The following TENM1 variants were observed in gnomAD, a reference collection of about 807,000 sequenced individuals.
TENM1 encodes the protein teneurin-1.
In TENM1, 35 loss-of-function variants were observed where a neutral mutation model predicts 174.8. The observed-to-expected ratio is 0.20, with a 90% confidence interval of 0.15 to 0.27. The LOEUF is 0.27. TENM1 is among the 10% of genes least tolerant of loss of function. TENM1 has a pLI of 1.00. For missense variants in TENM1, 1,633 were observed against 2,130.1 expected (o/e 0.77, Z 4.59); for synonymous variants, 781 against 798.7 (o/e 0.98, Z 0.37).
chrX:124,445,486 A>T (rs1303034056), intron 23 of TENM1, among the ~76,000 whole-genome samples: 1 of 111,997 alleles, frequency 8.9e-6, no homozygotes, highest in African/African-American at 3.2e-5. Context: ...TCCTCCAAAG[A>T]ATGTTACCTT....
the TENM1 span, among the ~76,000 whole-genome samples, chrX:125,033,327 C>G: frequency 9.0e-6 from 1 of 111,440 alleles, no homozygotes; most frequent in East Asian, 2.8e-4. Flanking sequence ...CTCATGGTGT[C>G]TTGTACTAGG....
At chrX:124,860,153 G>A (rs965953153) in intron 3 of TENM1, among the ~76,000 whole-genome samples, 1 of 111,725 alleles carries the variant, frequency 9.0e-6, no homozygotes, top group Non-Finnish European at 1.9e-5. Context: ...TTTTCTAAAA[G>A]ACTCCTCTAC....
chrX:124,717,482 A>T (rs1390425607), intron 4 of TENM1, among the ~76,000 whole-genome samples: 1 of 111,894 alleles, frequency 8.9e-6, no homozygotes, highest in African/African-American at 3.3e-5. Context: ...ACAACATTAT[A>T]GGGGAACAGA....
intron 3 of TENM1, among the ~76,000 whole-genome samples, chrX:124,802,745 C>T (rs1025613728): frequency 8.9e-6 from 1 of 111,790 alleles, no homozygotes; most frequent in Non-Finnish European, 1.9e-5. Flanking sequence ...GCCATCTTGG[C>T]CCCACCCCCC....
intron 8 of TENM1, 22 bp from the exon 12 acceptor site, chrX:124,646,832 T>C: frequency 2.8e-6 from 3 of 1,074,757 alleles, no homozygotes; most frequent in Non-Finnish European, 3.9e-6. Context: ...GAGAAAAAGA[T>C]AAAAAAAATG....
chrX:124,443,461 C>T (rs1296874830), intron 23 of TENM1, among the ~76,000 whole-genome samples: 1 of 111,709 alleles, frequency 9.0e-6, no homozygotes, highest in Non-Finnish European at 1.9e-5. Context: ...AATTCTTTAA[C>T]TGAGTTCAAG....
the TENM1 span, among the ~76,000 whole-genome samples, chrX:125,127,854 C>T: frequency 9.0e-6 from 1 of 110,970 alleles, no homozygotes; most frequent in African/African-American, 3.3e-5. Context: ...TCTAAGATGA[C>T]TTTATATGGT....
intron 17 of TENM1, among the ~76,000 whole-genome samples, chrX:124,522,069 C>T (rs979442829): frequency 4.5e-5 from 5 of 111,759 alleles, no homozygotes; most frequent in African/African-American, 6.5e-5. Context: ...AAAGAAGACC[C>T]GTACTTCCTA....
At chrX:124,687,152 A>T (rs1230607939) in intron 5 of TENM1, among the ~76,000 whole-genome samples, 1 of 111,688 alleles carries the variant, frequency 9.0e-6, no homozygotes, top group East Asian at 2.8e-4. Context: ...CGACAATCCT[A>T]AGCAAAAAGA....
intron 3 of TENM1, among the ~76,000 whole-genome samples, chrX:124,812,118 G>C (rs764389996): frequency 9.0e-6 from 1 of 111,048 alleles, no homozygotes; most frequent in East Asian, 2.8e-4. Flanking sequence ...ACAGTATCTT[G>C]TATTCTTGAA....
At chrX:124,445,405 C>G (rs908425233) in intron 23 of TENM1, among the ~76,000 whole-genome samples, 10 of 111,777 alleles carry the variant, frequency 8.9e-5, no homozygotes, top group African/African-American at 3.2e-4. Context: ...AGTCAAGCAT[C>G]AAATAACTGA....
At chrX:124,719,927 A>G (rs944692555) in intron 4 of TENM1, among the ~76,000 whole-genome samples, 2 of 112,192 alleles carry the variant, frequency 1.8e-5, no homozygotes, top group South Asian at 3.8e-4. Flanking sequence ...TTATATTTTT[A>G]TCTTTCAATA....
intron 5 of TENM1, 113 bp from the exon 9 acceptor site, chrX:124,671,948 C>T: frequency 1.3e-6 from 1 of 776,414 alleles, no homozygotes; most frequent in Non-Finnish European, 1.9e-6. Flanking sequence ...TTAGTTAGGC[C>T]AAGTAACTGG....
chrX:124,472,315 A>G, intron 22 of TENM1, among the ~76,000 whole-genome samples: 1 of 92,772 alleles, frequency 1.1e-5, no homozygotes, highest in African/African-American at 4.1e-5. Flanking sequence ...ATAACTTTTA[A>G]ACATATGCTT....
chrX:124,507,018 G>T (rs927790074), intron 18 of TENM1, among the ~76,000 whole-genome samples: 1 of 111,340 alleles, frequency 9.0e-6, no homozygotes, highest in Non-Finnish European at 1.9e-5. Context: ...GCGGCCTGTT[G>T]TCTATCACGT....
At chrX:124,979,735 G>GA in the TENM1 span, among the ~76,000 whole-genome samples, 1 of 109,436 alleles carries the variant, frequency 9.1e-6, no homozygotes, top group South Asian at 3.9e-4. Flanking sequence ...AAATCCATAG[G>GA]AAAAAATGGC....
At chrX:124,788,867 T>C (rs778569259) in intron 3 of TENM1, among the ~76,000 whole-genome samples, 8 of 112,113 alleles carry the variant, frequency 7.1e-5, no homozygotes, top group African/African-American at 2.6e-4. Context: ...TTCTGGGGTA[T>C]GGAGGACAGT....
At chrX:125,097,759 G>A in the TENM1 span, among the ~76,000 whole-genome samples, 25 of 112,205 alleles carry the variant, frequency 2.2e-4, no homozygotes, top group Middle Eastern at 4.6e-3. Context: ...AACTCTGTCC[G>A]TGTTATTTTA....
At chrX:125,099,078 C>G in the TENM1 span, among the ~76,000 whole-genome samples, 1 of 112,377 alleles carries the variant, frequency 8.9e-6, no homozygotes, top group East Asian at 2.8e-4. Context: ...TCATTACTTC[C>G]TAAGTCACTG....
Sources: gnomAD v4.1 joint callset for allele counts (sites outside exome capture counted in the v4.1 genomes callset) on GRCh38, gnomAD v4.1.1 for gene constraint, MANE v1.5 for transcripts, NCBI Gene and HGNC (gene_info 2026-07-23, HGNC 2026-07-21) for gene names.